MGAT4C: variants seen among roughly 807,000 people sequenced by gnomAD.
MGAT4C encodes the protein MGAT4 family member C.
MGAT4C carries 19 observed loss-of-function variants against 40.1 expected under a neutral mutation model. That is an observed-to-expected ratio of 0.47 (90% CI 0.33 to 0.70). The LOEUF (loss-of-function observed/expected upper bound fraction) is 0.70. MGAT4C is among the 30% of genes least tolerant of loss of function. MGAT4C has a pLI of 0.02. For synonymous variants in MGAT4C, 181 were observed against 187.1 expected, an observed-to-expected ratio of 0.97 and a Z score of 0.27; for missense variants, 491 against 563.2, an observed-to-expected ratio of 0.87 and a Z score of 1.30.
intron 3 of MGAT4C, among the ~76,000 whole-genome samples, chr12:86,346,422 A>C (rs1160127155): frequency 1.3e-5 from 2 of 151,978 alleles, no homozygotes; most frequent in Non-Finnish European, 2.9e-5. Context: ...ATGGGGTTTC[A>C]CTATGTTGGC....
rs532148411 is a variant in MGAT4C at position 86,356,807 on chromosome 12, T to C, written c.-119-22680A>G. 3.8e-3 allele frequency among the ~76,000 whole-genome samples: 580 copies of C among 152,126 alleles called. 7 individuals carry two copies. Among genetic ancestry groups the C allele is most frequent in the African/African-American group, 0.013 (521 of 41,526 alleles). ...TGGCCATTGCTGAGGATTGAGTAGA[T>C]AAACAAAGTGGCCAGGAAGCTCGAA... is the stretch of plus-strand genomic sequence containing the variant. On this transcript the variant is annotated intron_variant, in intron 3 of 7. Coordinates refer to the MGAT4C transcript ENST00000548651.
intron 1 of MGAT4C, among the ~76,000 whole-genome samples, chr12:86,235,775 C>A (rs1951509585): frequency 6.6e-6 from 1 of 152,040 alleles, no homozygotes; most frequent in African/African-American, 2.4e-5. Flanking sequence ...TGAGTAGATA[C>A]TTGCTTCCTT....
chr12:86,312,121 A>G (rs941800952), intron 4 of MGAT4C, among the ~76,000 whole-genome samples: 4 of 152,084 alleles, frequency 2.6e-5, no homozygotes, highest in Admixed American at 2.6e-4. Context: ...TTCATTTTAT[A>G]CTGGATTCTC....
chr12:86,587,424 T>G (rs962894302), intron 2 of MGAT4C, among the ~76,000 whole-genome samples: 1 of 152,136 alleles, frequency 6.6e-6, no homozygotes, highest in African/African-American at 2.4e-5. Context: ...TAGGATTGAC[T>G]TGGCAATGCG....
chr12:86,359,746 C>A (rs1316488357), intron 3 of MGAT4C, among the ~76,000 whole-genome samples: 4 of 152,112 alleles, frequency 2.6e-5, no homozygotes, highest in Non-Finnish European at 4.4e-5. Flanking sequence ...ATGGAAAATT[C>A]CTGGACACAT....
intron 3 of MGAT4C, among the ~76,000 whole-genome samples, chr12:86,412,808 C>G (rs1001267373): frequency 6.6e-5 from 10 of 152,052 alleles, no homozygotes; most frequent in Non-Finnish European, 1.5e-4. Flanking sequence ...GTGTCCCTAC[C>G]CAAATCTCAT....
chr12:86,183,236 A>G (rs1201358226), intron 1 of MGAT4C, among the ~76,000 whole-genome samples: 1 of 152,094 alleles, frequency 6.6e-6, no homozygotes, highest in African/African-American at 2.4e-5. Context: ...TTTGTTCTGG[A>G]AAGGATCTGT....
intron 1 of MGAT4C, among the ~76,000 whole-genome samples, chr12:86,071,941 A>C (rs955666254): frequency 2.6e-5 from 4 of 152,064 alleles, no homozygotes; most frequent in Admixed American, 1.3e-4. Context: ...AATGGCAACA[A>C]ACATAAAAGC....
chr12:86,742,286 C>A lies in MGAT4C; in HGVS notation c.-261-15045G>T, dbSNP rs141782230. On this transcript the variant is annotated intron_variant, in intron 1 of 7. Coordinates refer to the MGAT4C transcript ENST00000548651. The stretch of plus-strand genomic sequence containing the variant: ...GAATATTTTGTTGTTTGTAAAAATT[C>A]TTCCTTTTTCTCAAGTGCTTGCTGC... Among the ~76,000 whole-genome samples, 525 of 151,500 alleles carry A rather than the reference C, an allele frequency of 3.5e-3. 6 individuals carry two copies. The highest frequency in any genetic ancestry group is 0.017 in the South Asian group (81 of 4,820).
intron 4 of MGAT4C, among the ~76,000 whole-genome samples, chr12:86,285,064 G>C (rs955757588): frequency 6.6e-6 from 1 of 151,812 alleles, no homozygotes; most frequent in African/African-American, 2.4e-5. Flanking sequence ...ACCATAACAG[G>C]AACATGTTGG....
At position 86,490,386 on chromosome 12, in the gene MGAT4C, C is replaced by A. The variant is rs554300036; in HGVS notation, c.-228-55121G>T. On this transcript the variant is annotated intron_variant, in intron 2 of 7. Transcript: ENST00000548651. ...ACAAGCAAATGCTGAGAGATTTTGC[C>A]ACCACCAGGACTGCCCTAAAAGAGC... Among the ~76,000 whole-genome samples, 120 of 151,726 alleles carry A rather than the reference C, an allele frequency of 7.9e-4. 1 individual carries two copies. The South Asian group carries it at 0.025, about 31-fold the overall frequency.
intron 2 of MGAT4C, among the ~76,000 whole-genome samples, chr12:86,476,967 C>T (rs1251044199): frequency 6.6e-6 from 1 of 151,920 alleles, no homozygotes; most frequent in East Asian, 1.9e-4. Context: ...GAAAAACTAC[C>T]TATTGGGTAC....
intron 3 of MGAT4C, among the ~76,000 whole-genome samples, chr12:86,404,698 T>A (rs1429182900): frequency 1.3e-5 from 2 of 152,054 alleles, no homozygotes; most frequent in African/African-American, 4.8e-5. Flanking sequence ...AGAAAACGAA[T>A]ACACCCACAT....
intron 4 of MGAT4C, among the ~76,000 whole-genome samples, chr12:86,275,304 C>T (rs1422107577): frequency 6.6e-6 from 1 of 150,462 alleles, no homozygotes; most frequent in Non-Finnish European, 1.5e-5. Context: ...CCATTTCTGT[C>T]TCTCAACTTA....
intron 2 of MGAT4C, among the ~76,000 whole-genome samples, chr12:86,713,523 A>C (rs545680985): frequency 6.6e-6 from 1 of 152,202 alleles, no homozygotes; most frequent in African/African-American, 2.4e-5. Context: ...CTCTATAGTA[A>C]AGATATGTAT....
intron 4 of MGAT4C, among the ~76,000 whole-genome samples, chr12:86,322,018 A>G (rs900682686): frequency 1.3e-5 from 2 of 152,070 alleles, no homozygotes; most frequent in Non-Finnish European, 2.9e-5. Context: ...TATGGCACAT[A>G]TACACCATGG....
intron 2 of MGAT4C, among the ~76,000 whole-genome samples, chr12:86,583,513 G>C (rs1960878649): frequency 6.6e-6 from 1 of 151,268 alleles, no homozygotes; most frequent in Non-Finnish European, 1.5e-5. Context: ...CTATTTATCA[G>C]GGTCAACACA....
chr12:86,110,858 T>C (rs1877258258), intron 1 of MGAT4C, among the ~76,000 whole-genome samples: 1 of 151,698 alleles, frequency 6.6e-6, no homozygotes, highest in Non-Finnish European at 1.5e-5. Context: ...ACTATGAAAA[T>C]GTATAACTAT....
chr12:86,418,164 C>T (rs1956754141), intron 3 of MGAT4C, among the ~76,000 whole-genome samples: 1 of 152,096 alleles, frequency 6.6e-6, no homozygotes, highest in African/African-American at 2.4e-5. Context: ...ATTCTACAAT[C>T]TTAATTTTCT....
Sources: allele counts gnomAD v4.1 joint callset (sites outside exome capture counted in the v4.1 genomes callset), GRCh38; gene constraint gnomAD v4.1.1; transcripts MANE v1.5; gene names NCBI Gene and HGNC (gene_info 2026-07-23, HGNC 2026-07-21).